TOP6BL: variants seen among roughly 807,000 people sequenced by gnomAD.
TOP6BL encodes TOP6B like initiator of meiotic double strand breaks.
At chr11:66,822,338 C>G in the TOP6BL span, among the ~76,000 whole-genome samples, 1 of 151,440 alleles carries the variant, frequency 6.6e-6, no homozygotes, top group Admixed American at 6.6e-5. Flanking sequence ...TCTGATGTGT[C>G]TGTGTCAGTA....
chr11:66,768,395 C>T, the TOP6BL span, among the ~76,000 whole-genome samples: 1 of 152,034 alleles, frequency 6.6e-6, no homozygotes, highest in Non-Finnish European at 1.5e-5. Flanking sequence ...GACATGATCT[C>T]ATTCATTCTT....
At chr11:66,762,335 G>T in the TOP6BL span, 1 of 395,314 alleles carries the variant, frequency 2.5e-6, no homozygotes, top group Non-Finnish European at 4.6e-6. Flanking sequence ...GCGGGCCCCG[G>T]GGGTGTGGAA....
chr11:66,796,595 C>T, the TOP6BL span, among the ~76,000 whole-genome samples: 1 of 151,792 alleles, frequency 6.6e-6, no homozygotes, highest in Non-Finnish European at 1.5e-5. Flanking sequence ...GCCAAGGCAA[C>T]ATGGTGAGAC....
At chr11:66,788,262 T>C in the TOP6BL span, 2,771 of 1,607,744 alleles carry the variant, frequency 1.7e-3, 43 homozygotes, top group African/African-American at 0.031. Flanking sequence ...TTCCAGATGA[T>C]TTTTGAGGCA....
the TOP6BL span, among the ~76,000 whole-genome samples, chr11:66,823,167 G>T: frequency 6.6e-6 from 1 of 151,818 alleles, no homozygotes; most frequent in African/African-American, 2.4e-5. Flanking sequence ...GGTGGCAGTT[G>T]CATGTAATCT....
the TOP6BL span, among the ~76,000 whole-genome samples, chr11:66,811,198 C>T: frequency 5.1e-3 from 775 of 152,198 alleles, 5 homozygotes; most frequent in African/African-American, 0.017. Flanking sequence ...GATGGAGTCT[C>T]ACTCTGTTGC....
At chr11:66,763,068 G>A in the TOP6BL span, among the ~76,000 whole-genome samples, 196 of 152,314 alleles carry the variant, frequency 1.3e-3, 1 homozygote, top group Middle Eastern at 0.02. Flanking sequence ...GCCAGGCATG[G>A]TGGGGCATAC....
the TOP6BL span, among the ~76,000 whole-genome samples, chr11:66,808,957 C>CGT: frequency 2.8e-4 from 43 of 151,912 alleles, no homozygotes; most frequent in African/African-American, 1.0e-3. Context: ...TGTGTGTGTG[C>CGT]GTGTGTGTGA....
At chr11:66,821,536 A>G in the TOP6BL span, 1 of 1,290,504 alleles carries the variant, frequency 7.7e-7, no homozygotes, top group East Asian at 2.8e-5. Flanking sequence ...CGGCCTCCCA[A>G]AGTGCTGGGA....
the TOP6BL span, among the ~76,000 whole-genome samples, chr11:66,766,993 C>G: frequency 6.6e-6 from 1 of 152,166 alleles, no homozygotes; most frequent in African/African-American, 2.4e-5. Flanking sequence ...TTTGTTTCCT[C>G]ATTATGTAAT....
chr11:66,756,197 T>C, the TOP6BL span, among the ~76,000 whole-genome samples: 1 of 152,240 alleles, frequency 6.6e-6, no homozygotes. Context: ...AAAGGAGTTA[T>C]GTAGTCATTT....
At chr11:66,779,342 G>A in the TOP6BL span, among the ~76,000 whole-genome samples, 1 of 152,132 alleles carries the variant, frequency 6.6e-6, no homozygotes, top group Non-Finnish European at 1.5e-5. Flanking sequence ...ATCAAAAAGT[G>A]GGTGAAGGAT....
the TOP6BL span, among the ~76,000 whole-genome samples, chr11:66,783,758 A>G: frequency 6.6e-6 from 1 of 152,174 alleles, no homozygotes; most frequent in Admixed American, 6.5e-5. Flanking sequence ...ATTGATATAA[A>G]ATTCATATAT....
chr11:66,747,436 C>G, the TOP6BL span, among the ~76,000 whole-genome samples: 1 of 150,032 alleles, frequency 6.7e-6, no homozygotes, highest in Non-Finnish European at 1.5e-5. Context: ...CACTATGTTT[C>G]CAGGGCTCAA....
chr11:66,786,883 C>T, the TOP6BL span, among the ~76,000 whole-genome samples: 1 of 151,750 alleles, frequency 6.6e-6, no homozygotes. Context: ...GAAAAACAAA[C>T]TAATGGCAAG....
At chr11:66,762,636 AT>A in the TOP6BL span, among the ~76,000 whole-genome samples, 2 of 151,750 alleles carry the variant, frequency 1.3e-5, no homozygotes, top group African/African-American at 2.4e-5. Context: ...ACGCCCAGCT[AT>A]TTTTTGCATT....
the TOP6BL span, among the ~76,000 whole-genome samples, chr11:66,762,604 G>A: frequency 1.3e-5 from 2 of 152,116 alleles, no homozygotes; most frequent in East Asian, 3.9e-4. Context: ...CTGAGTAGCT[G>A]GTATTACAGG....
the TOP6BL span, chr11:66,828,174 T>C: frequency 6.3e-6 from 5 of 793,460 alleles, no homozygotes; most frequent in Non-Finnish European, 6.4e-6. Flanking sequence ...ACTGTCTGCC[T>C]CCTCATCTCC....
chr11:66,816,268 A>G, the TOP6BL span: 2 of 1,460,216 alleles, frequency 1.4e-6, no homozygotes, highest in Non-Finnish European at 1.9e-6. Context: ...AACTTTGTGT[A>G]ATGCACACAT....
Sources: allele counts gnomAD v4.1 joint callset (sites outside exome capture counted in the v4.1 genomes callset), GRCh38; gene constraint gnomAD v4.1.1; transcripts MANE v1.5; gene names NCBI Gene and HGNC (gene_info 2026-07-23, HGNC 2026-07-21).